ST6GALNAC3: variants seen among roughly 807,000 people sequenced by gnomAD.
ST6GALNAC3 encodes alpha-N-acetylgalactosaminide alpha-2,6-sialyltransferase 3.
A neutral mutation model predicts 32.7 loss-of-function variants in ST6GALNAC3; 25 were observed. The ratio of observed to expected loss-of-function variants is 0.76; its 90% CI spans 0.56 to 1.07. The LOEUF is 1.07. ST6GALNAC3 is among the 50% of genes least tolerant of loss of function. The probability of loss-of-function intolerance (pLI) is 0.00; values close to 1 mark genes in which losing one functional copy is unlikely to be tolerated. For missense variants in ST6GALNAC3, 355 were observed against 382.4 expected, an observed-to-expected ratio of 0.93 and a Z score of 0.60; for synonymous variants, 129 against 133.1, an observed-to-expected ratio of 0.97 and a Z score of 0.21.
At chr1:76,451,257 A>G (rs1025533787) in intron 3 of ST6GALNAC3, among the ~76,000 whole-genome samples, 1 of 152,224 alleles carries the variant, frequency 6.6e-6, no homozygotes, top group African/African-American at 2.4e-5. Context: ...TAATGGATTC[A>G]CAGTTTCACA....
At chr1:76,198,363 G>A (rs912073761) in intron 1 of ST6GALNAC3, among the ~76,000 whole-genome samples, 1 of 152,150 alleles carries the variant, frequency 6.6e-6, no homozygotes, top group Non-Finnish European at 1.5e-5. Context: ...ACAGTGGTGG[G>A]CAATTATAAG....
intron 1 of ST6GALNAC3, among the ~76,000 whole-genome samples, chr1:76,189,522 G>A (rs1653772001): frequency 6.6e-6 from 1 of 152,184 alleles, no homozygotes; most frequent in African/African-American, 2.4e-5. Context: ...CTTAGTGAAT[G>A]TGGCAATCTG....
intron 1 of ST6GALNAC3, among the ~76,000 whole-genome samples, chr1:76,185,043 A>C (rs963711990): frequency 6.6e-6 from 1 of 152,114 alleles, no homozygotes; most frequent in Non-Finnish European, 1.5e-5. Flanking sequence ...ATCCTCGCAC[A>C]ACCCTGTGAA....
intron 1 of ST6GALNAC3, among the ~76,000 whole-genome samples, chr1:76,240,440 T>C (rs748499321): frequency 3.3e-5 from 5 of 152,244 alleles, no homozygotes; most frequent in Non-Finnish European, 4.4e-5. Flanking sequence ...TGTTCCCCTT[T>C]AGTCTGATCA....
chr1:76,236,634 G>T (rs1656676458), intron 1 of ST6GALNAC3, among the ~76,000 whole-genome samples: 1 of 152,090 alleles, frequency 6.6e-6, no homozygotes, highest in South Asian at 2.1e-4. Flanking sequence ...AAAAGATTTT[G>T]ATGTACCTGA....
chr1:76,383,271 AT>A (rs948150568), intron 2 of ST6GALNAC3, among the ~76,000 whole-genome samples: 4 of 151,794 alleles, frequency 2.6e-5, no homozygotes, highest in South Asian at 2.1e-4. Flanking sequence ...CTATTTATTT[AT>A]TTTTTTTAAA....
chr1:76,241,861 T>A (rs551118630), intron 1 of ST6GALNAC3, among the ~76,000 whole-genome samples: 5 of 152,298 alleles, frequency 3.3e-5, no homozygotes, highest in African/African-American at 1.2e-4. Flanking sequence ...AATTTAAGAT[T>A]ATGTGTGTGA....
rs564329475 is a variant in ST6GALNAC3 at position 76,512,935 on chromosome 1, C to T, written c.623+100518C>T. On this transcript the variant is annotated intron_variant, in intron 3 of 4. Coordinates refer to ENST00000328299, the MANE Select transcript of ST6GALNAC3 (RefSeq NM_152996.4). ...AAGCATTTTTTCATGTGCCTATTGG[C>T]CATTTGTGTGTCTCACTTTTTCTTT... 3.3e-5 allele frequency among the ~76,000 whole-genome samples: 5 copies of T among 151,878 alleles called. No homozygotes were observed. The South Asian group carries it at 8.3e-4, about 25-fold the overall frequency.
intron 1 of ST6GALNAC3, among the ~76,000 whole-genome samples, chr1:76,095,336 A>G (rs746310209): frequency 6.6e-6 from 1 of 152,126 alleles, no homozygotes; most frequent in Non-Finnish European, 1.5e-5. Context: ...TTTATTTACA[A>G]TTTGTACTCT....
intron 3 of ST6GALNAC3, among the ~76,000 whole-genome samples, chr1:76,584,593 T>G (rs1313069202): frequency 6.6e-6 from 1 of 152,214 alleles, no homozygotes; most frequent in African/African-American, 2.4e-5. Context: ...TCCAATATCT[T>G]AAATGCTAGC....
intron 1 of ST6GALNAC3, among the ~76,000 whole-genome samples, chr1:76,085,632 A>T (rs965006005): frequency 6.6e-6 from 1 of 152,156 alleles, no homozygotes; most frequent in Admixed American, 6.5e-5. Flanking sequence ...GTTGTACTAG[A>T]GTTTGCTAGG....
At chr1:76,275,418 G>A (rs988038961) in intron 1 of ST6GALNAC3, among the ~76,000 whole-genome samples, 7 of 152,134 alleles carry the variant, frequency 4.6e-5, no homozygotes, top group African/African-American at 1.7e-4. Context: ...TCCCTCCCAG[G>A]TGGCAGGAAG....
intron 1 of ST6GALNAC3, among the ~76,000 whole-genome samples, chr1:76,253,619 T>G (rs1657746336): frequency 6.6e-6 from 1 of 152,142 alleles, no homozygotes; most frequent in African/African-American, 2.4e-5. Flanking sequence ...TGTTTTCTTT[T>G]AGATGAGTTC....
intron 2 of ST6GALNAC3, among the ~76,000 whole-genome samples, chr1:76,346,684 G>A (rs751724697): frequency 2.6e-5 from 4 of 152,012 alleles, no homozygotes; most frequent in South Asian, 2.1e-4. Context: ...CAATTCCTAC[G>A]GTGCCACTAC....
chr1:76,621,715 C>G (rs1648662239), intron 3 of ST6GALNAC3, among the ~76,000 whole-genome samples: 1 of 151,894 alleles, frequency 6.6e-6, no homozygotes, highest in Admixed American at 6.6e-5. Context: ...TGCCAAGAAT[C>G]TTTGTTTAAA....
chr1:76,312,315 A>C (rs1207216306), intron 1 of ST6GALNAC3, among the ~76,000 whole-genome samples: 5 of 152,236 alleles, frequency 3.3e-5, no homozygotes, highest in Non-Finnish European at 7.3e-5. Context: ...TAAAACCATA[A>C]AAACCCTAGA....
chr1:76,296,872 T>C (rs576472263), intron 1 of ST6GALNAC3, among the ~76,000 whole-genome samples: 10 of 152,206 alleles, frequency 6.6e-5, no homozygotes, highest in African/African-American at 2.4e-4. Flanking sequence ...ATTTCAACCC[T>C]ATATCTTGTA....
chr1:76,216,892 T>C (rs1480143357), intron 1 of ST6GALNAC3, among the ~76,000 whole-genome samples: 2 of 152,210 alleles, frequency 1.3e-5, no homozygotes, highest in African/African-American at 4.8e-5. Flanking sequence ...AAGTTGTTCC[T>C]GCTACATAAA....
chr1:76,505,121 G>A (rs1201439478), intron 3 of ST6GALNAC3, among the ~76,000 whole-genome samples: 3 of 149,882 alleles, frequency 2.0e-5, no homozygotes, highest in Non-Finnish European at 4.4e-5. Context: ...GAAATGGGAA[G>A]CCAAAGCTTT....
Sources: gnomAD v4.1 joint callset for allele counts (sites outside exome capture counted in the v4.1 genomes callset) on GRCh38, gnomAD v4.1.1 for gene constraint, MANE v1.5 for transcripts, NCBI Gene and HGNC (gene_info 2026-07-23, HGNC 2026-07-21) for gene names.